Variants in TRAFD1 observed in about 807,000 individuals in gnomAD.
The protein encoded by TRAFD1 is TRAF-type zinc finger domain-containing protein 1.
TRAFD1 carries 38 observed loss-of-function variants against 65.3 expected under a neutral mutation model. The observed-to-expected ratio is 0.58, with a 90% CI of 0.45 to 0.76. The LOEUF is 0.76. Ranked by LOEUF, TRAFD1 falls within the 30% of genes least tolerant of loss-of-function variation. The probability of loss-of-function intolerance (pLI) is 0.00; values close to 1 mark genes in which losing one functional copy is unlikely to be tolerated. For missense variants in TRAFD1, 631 were observed against 712.6 expected, an observed-to-expected ratio of 0.89 and a Z score of 1.30; for synonymous variants, 223 against 257.2, an observed-to-expected ratio of 0.87 and a Z score of 1.27.
intron 2 of TRAFD1, 137 bp from the exon 3 acceptor site, chr12:112,134,601 G>A: frequency 9.8e-7 from 1 of 1,024,942 alleles, no homozygotes; most frequent in Non-Finnish European, 1.4e-6. Context: ...TCATGAGTTT[G>A]TAGGCTAGGT....
chr12:112,126,568 C>T (rs1310612558), intron 1 of TRAFD1, among the ~76,000 whole-genome samples: 1 of 152,130 alleles, frequency 6.6e-6, no homozygotes, highest in Non-Finnish European at 1.5e-5. Flanking sequence ...GAGCTCTGGC[C>T]TTAGAGTTGG....
chr12:112,144,486 G>A (rs1460007523), intron 6 of TRAFD1, among the ~76,000 whole-genome samples: 1 of 152,054 alleles, frequency 6.6e-6, no homozygotes, highest in African/African-American at 2.4e-5. Context: ...GCTCAGGTTG[G>A]TCTGGAACTC....
intron 2 of TRAFD1, 149 bp from the exon 3 acceptor site, chr12:112,134,589 A>T: frequency 1.1e-6 from 1 of 905,580 alleles, no homozygotes; most frequent in East Asian, 2.6e-5. Flanking sequence ...GAATGGTAAT[A>T]GTCATGAGTT....
At chr12:112,139,304 C>T (rs1223589055) in intron 4 of TRAFD1, among the ~76,000 whole-genome samples, 2 of 151,922 alleles carry the variant, frequency 1.3e-5, no homozygotes, top group East Asian at 3.9e-4. Context: ...AAGCCATGAT[C>T]GTACCACTGC....
intron 1 of TRAFD1, among the ~76,000 whole-genome samples, chr12:112,127,904 A>G (rs1042456846): frequency 1.3e-4 from 20 of 149,666 alleles, no homozygotes; most frequent in African/African-American, 4.4e-4. Context: ...GGGTCTTACT[A>G]TGTTTCCTGG....
intron 8 of TRAFD1, 116 bp downstream of exon 8, chr12:112,148,420 C>CA: frequency 1.1e-6 from 1 of 875,076 alleles, no homozygotes; most frequent in Admixed American, 2.6e-5. Flanking sequence ...GGAATGCACA[C>CA]ACTTGGCTTC....
At chr12:112,149,485 A>G in intron 8 of TRAFD1, 2 of 324,418 alleles carry the variant, frequency 6.2e-6, no homozygotes, top group East Asian at 1.2e-4. Flanking sequence ...AACAGAAAAA[A>G]AAAAGAAATA....
chr12:112,135,615 G>A (rs979281323), intron 4 of TRAFD1, among the ~76,000 whole-genome samples: 1 of 151,822 alleles, frequency 6.6e-6, no homozygotes, highest in African/African-American at 2.4e-5. Context: ...TAGTAGAGAC[G>A]GGATTTCACC....
chr12:112,130,996 A>G lies in TRAFD1; in HGVS notation c.47+427A>G, dbSNP rs1327941119. On this transcript the variant is annotated intron_variant, in intron 2 of 11. Coordinates refer to ENST00000412615, the MANE Select transcript of TRAFD1 (RefSeq NM_006700.3). This position sits in a 1 kb window ranked among gnomAD's most constrained non-coding sequence, Gnocchi z 4.4. ...GAAAATAGTTTAACTCATTGGTGGAATATTTGAGCCAAATAACATTTTTGT... is the reference window on the plus strand; with the variant it reads ...GAAAATAGTTTAACTCATTGGTGGAGTATTTGAGCCAAATAACATTTTTGT... Among the ~76,000 whole-genome samples the G allele has an allele frequency of 6.6e-6, 1 of 152,224 alleles. No individual in the cohort carries two copies.
intron 2 of TRAFD1, 136 bp from the exon 3 acceptor site, chr12:112,134,602 T>C: frequency 1.9e-6 from 2 of 1,031,134 alleles, no homozygotes. Flanking sequence ...CATGAGTTTG[T>C]AGGCTAGGTA....
intron 8 of TRAFD1, among the ~76,000 whole-genome samples, chr12:112,149,020 C>T (rs1442601142): frequency 6.6e-6 from 1 of 152,108 alleles, no homozygotes; most frequent in African/African-American, 2.4e-5. Context: ...AAGTTTGAGA[C>T]TAGCCTGGCC....
At chr12:112,149,531 C>T (rs1435462227) in intron 8 of TRAFD1, 1 of 451,704 alleles carries the variant, frequency 2.2e-6, no homozygotes, top group Non-Finnish European at 3.9e-6. Context: ...GCCCTTCCCG[C>T]ATCCCTGCAC....
rs541282998 is a variant in TRAFD1, at chr12:112,136,144, A to C, written c.237+1078A>C. Among the ~76,000 whole-genome samples, 8 of 151,120 alleles carry C rather than the reference A, an allele frequency of 5.3e-5. No individual in the cohort carries two copies. In the South Asian group the frequency reaches 1.5e-3, roughly 28 times the overall value. On this transcript the variant is annotated intron_variant, in intron 4 of 11. Coordinates refer to ENST00000412615, the MANE Select transcript of TRAFD1 (RefSeq NM_006700.3). ...ACTACATCTCAAAAAAAAAAAACCC[A>C]AAAAATAGAGACAGGTGTTGTCTCT...
chr12:112,141,520 TTA>T, intron 5 of TRAFD1: 1 of 320,912 alleles, frequency 3.1e-6, no homozygotes, highest in Non-Finnish European at 5.7e-6. Context: ...AGTATTTGCA[TTA>T]TATATACTGG....
At chr12:112,150,521 T>A (rs2030370910) in intron 9 of TRAFD1, among the ~76,000 whole-genome samples, 1 of 152,160 alleles carries the variant, frequency 6.6e-6, no homozygotes. Context: ...AGCATTGGGG[T>A]TACATGCGTA....
At chr12:112,141,269 C>G (rs1437835181) in intron 5 of TRAFD1, 45 bp downstream of exon 5, 2 of 1,593,226 alleles carry the variant, frequency 1.3e-6, no homozygotes, top group African/African-American at 2.7e-5. Flanking sequence ...TATCAAAATC[C>G]CAAGGCAAAT....
Position 112,148,177 on chromosome 12 carries a change from A to G in TRAFD1, c.1031A>G (p.Gln344Arg). ...PDVIFQNFLQ[Q>R]AASNQLDSLM... is the part of the protein sequence containing the mutation. ...GTCATCTTCCAGAACTTCTTGCAAC[A>G]GGCTGCAAGTAACCAGTTAGACTCT... The change falls in exon 8 of 12, where the codon CAG becomes CGG. Residue 344 changes from glutamine (Q) to arginine (R), a missense_variant. Transcript: ENST00000412615. 6.2e-7 allele frequency: 1 copy of G among 1,614,200 alleles called. No individual in the cohort carries two copies. The highest frequency in any genetic ancestry group is 1.7e-5 in the Admixed American group (1 of 60,018).
chr12:112,146,196 GAAA>G (rs1228479138), intron 7 of TRAFD1, among the ~76,000 whole-genome samples: 1 of 33,896 alleles, frequency 3.0e-5, no homozygotes, highest in African/African-American at 1.1e-4. Context: ...AGAAGAAGAA[GAAA>G]AAAAAAAACA....
In TRAFD1 at chr12:112,130,519, A is replaced by G. The variant is rs765885336; in HGVS notation, c.-4A>G. The G allele has an allele frequency of 6.2e-7, 1 of 1,613,076 alleles. No homozygotes were observed. The highest frequency in any genetic ancestry group is 2.2e-5 in the East Asian group (1 of 44,800). The stretch of plus-strand genomic sequence containing the variant: ...TCCTTTGTGGTTTTCAGGAAGAGCT[A>G]AAGATGGCTGAATTTCTAGATGACC... On this transcript the variant is annotated 5_prime_UTR_variant, in exon 2 of 12. Coordinates refer to ENST00000412615, the MANE Select transcript of TRAFD1 (RefSeq NM_006700.3). The surrounding 1 kb of genome is among the most constrained non-coding windows in gnomAD (Gnocchi z 4.4).
Sources: allele counts gnomAD v4.1 joint callset (sites outside exome capture counted in the v4.1 genomes callset), GRCh38; gene constraint gnomAD v4.1.1; non-coding constraint Gnocchi (gnomAD v3.1); transcripts MANE v1.5; gene names NCBI Gene and HGNC (gene_info 2026-07-23, HGNC 2026-07-21).